Variants in LIFR observed in about 807,000 individuals in gnomAD.
LIFR encodes LIF receptor subunit alpha.
Under a neutral mutation model 122.2 loss-of-function variants are expected in LIFR, and 84 were observed. The observed-to-expected ratio is 0.69, with a 90% CI of 0.58 to 0.82. The LOEUF (loss-of-function observed/expected upper bound fraction) is 0.82, where lower values mean the gene tolerates loss of function less well. LIFR is among the 40% of genes least tolerant of loss of function. LIFR has a pLI of 0.00. For synonymous variants in LIFR, 422 were observed against 434.7 expected (o/e 0.97, Z 0.36); for missense variants, 1,294 against 1,311.6 (o/e 0.99, Z 0.21).
rs753554301 is a variant in LIFR, at chr5:38,481,954, A to C, written c.2935T>G (p.Ser979Ala). ...TAQVIYIDVQ[S>A]MYQPQAKPEE... The stretch of plus-strand genomic sequence containing the variant: ...GGTTTTGCTTGAGGCTGATACATCG[A>C]CTGAACATCAATGTAAATAACCTGT... The change falls in exon 20 of 20, where the codon TCG (serine) becomes GCG (alanine). Residue 979 changes from serine (S) to alanine (A), a missense_variant. Ser to Ala is a moderately conservative substitution (Grantham distance 99). Transcript: ENST00000453190. 1 of 1,614,098 alleles carries C rather than the reference A, an allele frequency of 6.2e-7. No individual in the cohort carries two copies. The highest frequency in any genetic ancestry group is 8.5e-7 in the Non-Finnish European group (1 of 1,180,042).
chr5:38,607,002 C>G (rs1442889604), intron 1 of LIFR, among the ~76,000 whole-genome samples: 1 of 152,204 alleles, frequency 6.6e-6, no homozygotes, highest in African/African-American at 2.4e-5. Flanking sequence ...TAGCAAGTCT[C>G]TTTCCTTCTT....
intron 6 of LIFR, among the ~76,000 whole-genome samples, chr5:38,511,043 G>T (rs1745773647): frequency 6.6e-6 from 1 of 152,120 alleles, no homozygotes; most frequent in South Asian, 2.1e-4. Flanking sequence ...GAAGTCTAAG[G>T]GTTGAAATTC....
intron 1 of LIFR, among the ~76,000 whole-genome samples, chr5:38,582,262 T>C (rs1012099327): frequency 2.6e-5 from 4 of 152,110 alleles, no homozygotes; most frequent in African/African-American, 9.7e-5. Context: ...TCTCAGAACA[T>C]ACTGACAGAA....
At chr5:38,570,069 A>T (rs1749159688) in intron 1 of LIFR, among the ~76,000 whole-genome samples, 1 of 152,180 alleles carries the variant, frequency 6.6e-6, no homozygotes, top group Admixed American at 6.5e-5. Context: ...CTGGACCCAT[A>T]CTATCTTGAT....
intron 4 of LIFR, among the ~76,000 whole-genome samples, chr5:38,524,907 ATAGTTGTT>A (rs1260818290): frequency 3.3e-5 from 5 of 152,214 alleles, no homozygotes; most frequent in Admixed American, 6.5e-5. Flanking sequence ...ATAAAAACAA[ATAGTTGTT>A]ACCTGTGCCA....
chr5:38,509,131 ACT>A (rs1745656819), intron 7 of LIFR, among the ~76,000 whole-genome samples: 1 of 152,178 alleles, frequency 6.6e-6, no homozygotes, highest in Non-Finnish European at 1.5e-5. Flanking sequence ...AGATTACAAC[ACT>A]GTCTGAAATA....
intron 1 of LIFR, among the ~76,000 whole-genome samples, chr5:38,585,799 T>C (rs1486472053): frequency 6.6e-6 from 1 of 152,086 alleles, no homozygotes; most frequent in Non-Finnish European, 1.5e-5. Context: ...ATAATAATTT[T>C]AAAAAATATA....
upstream of LIFR, among the ~76,000 whole-genome samples, chr5:38,595,975 A>G (rs1750087718): frequency 6.6e-6 from 1 of 151,652 alleles, no homozygotes. Flanking sequence ...TGACCTCGTG[A>G]TCCACCTGCC....
intron 1 of LIFR, among the ~76,000 whole-genome samples, chr5:38,574,487 C>T (rs1749319859): frequency 6.6e-6 from 1 of 152,030 alleles, no homozygotes; most frequent in African/African-American, 2.4e-5. Flanking sequence ...TTTTTTGTTT[C>T]CTGCTGGATC....
At chr5:38,526,935 G>C (rs1334664878) in intron 4 of LIFR, among the ~76,000 whole-genome samples, 1 of 152,130 alleles carries the variant, frequency 6.6e-6, no homozygotes, top group East Asian at 1.9e-4. Context: ...AAAGAGTATG[G>C]AACTGAGGGA....
At chr5:38,550,919 G>A (rs1748167533) in intron 1 of LIFR, among the ~76,000 whole-genome samples, 1 of 152,120 alleles carries the variant, frequency 6.6e-6, no homozygotes, top group Admixed American at 6.5e-5. Context: ...TTTCAATCAA[G>A]TTATCTACTT....
At chr5:38,519,486 C>T (rs1251065981) in intron 5 of LIFR, among the ~76,000 whole-genome samples, 1 of 152,072 alleles carries the variant, frequency 6.6e-6, no homozygotes, top group Non-Finnish European at 1.5e-5. Context: ...CTTCTAGCTA[C>T]CTTGAAATAT....
chr5:38,519,564 T>G (rs1746291782), intron 5 of LIFR, among the ~76,000 whole-genome samples: 1 of 152,170 alleles, frequency 6.6e-6, no homozygotes, highest in African/African-American at 2.4e-5. Context: ...ATCTTCTATC[T>G]AACTGTACAT....
At chr5:38,562,612 C>T (rs528685038) in intron 1 of LIFR, among the ~76,000 whole-genome samples, 1 of 152,276 alleles carries the variant, frequency 6.6e-6, no homozygotes, top group South Asian at 2.1e-4. Context: ...GCACTCAGTG[C>T]GTTGCCAGAG....
At chr5:38,604,649 C>T (rs909317966) in intron 2 of LIFR, among the ~76,000 whole-genome samples, 3 of 151,424 alleles carry the variant, frequency 2.0e-5, no homozygotes, top group Admixed American at 6.6e-5. Context: ...TGCAGTGAGC[C>T]GAGATTGCGC....
At chr5:38,505,465 T>C (rs574058659) in intron 9 of LIFR, among the ~76,000 whole-genome samples, 2 of 147,492 alleles carry the variant, frequency 1.4e-5, no homozygotes, top group Admixed American at 6.8e-5. Context: ...TGAATGCACA[T>C]AAAAACTGAG....
chr5:38,565,915 C>T (rs1236951599), intron 1 of LIFR, among the ~76,000 whole-genome samples: 1 of 152,096 alleles, frequency 6.6e-6, no homozygotes, highest in Non-Finnish European at 1.5e-5. Flanking sequence ...TAGTGTTCAA[C>T]AAATATTTAT....
At chr5:38,595,958 G>A (rs558165046), upstream of LIFR, among the ~76,000 whole-genome samples, 4 of 151,174 alleles carry the variant, frequency 2.6e-5, no homozygotes, top group South Asian at 8.4e-4. Flanking sequence ...GGATGGTCTC[G>A]ATCTCCTGAC....
intron 9 of LIFR, among the ~76,000 whole-genome samples, chr5:38,505,522 T>C (rs1262287268): frequency 6.6e-6 from 1 of 152,074 alleles, no homozygotes; most frequent in Non-Finnish European, 1.5e-5. Flanking sequence ...GTCAATTCCC[T>C]GGTTCTGATA....
Sources: allele counts gnomAD v4.1 joint callset (sites outside exome capture counted in the v4.1 genomes callset), GRCh38; gene constraint gnomAD v4.1.1; transcripts MANE v1.5; gene names NCBI Gene and HGNC (gene_info 2026-07-23, HGNC 2026-07-21).